Variants in AHCYL2 observed in about 807,000 individuals in gnomAD.
AHCYL2 encodes S-adenosylhomocysteine hydrolase-like protein 2.
A neutral mutation model predicts 81.4 loss-of-function variants in AHCYL2; 28 were observed. The observed-to-expected ratio is 0.34, with a 90% CI of 0.25 to 0.47. AHCYL2 has a LOEUF of 0.47. Ranked by LOEUF, AHCYL2 falls within the 20% of genes least tolerant of loss-of-function variation. The probability of loss-of-function intolerance (pLI) is 1.00; values close to 1 mark genes in which losing one functional copy is unlikely to be tolerated. For synonymous variants in AHCYL2, 272 were observed against 290.2 expected, an observed-to-expected ratio of 0.94 and a Z score of 0.64; for missense variants, 551 against 785.1, an observed-to-expected ratio of 0.70 and a Z score of 3.56.
chr7:129,416,431 G>A (rs904169015), intron 12 of AHCYL2, among the ~76,000 whole-genome samples: 6 of 152,186 alleles, frequency 3.9e-5, no homozygotes, highest in African/African-American at 1.4e-4. Flanking sequence ...ACAGAAAAAA[G>A]AAAAAGTAGA....
intron 1 of AHCYL2, among the ~76,000 whole-genome samples, chr7:129,345,026 G>T (rs1470021938): frequency 4.6e-5 from 7 of 152,034 alleles, no homozygotes; most frequent in Admixed American, 3.9e-4. Flanking sequence ...ATGGTGACAG[G>T]TGCCTGTAAT....
intron 1 of AHCYL2, among the ~76,000 whole-genome samples, chr7:129,325,418 A>G (rs1026445826): frequency 1.3e-5 from 2 of 152,020 alleles, no homozygotes; most frequent in Non-Finnish European, 2.9e-5. Flanking sequence ...ATTTGCACAT[A>G]ATGTGGGGTT....
chr7:129,388,191 C>T (rs1233478865), intron 2 of AHCYL2: 1 of 152,298 alleles, frequency 6.6e-6, no homozygotes, highest in Admixed American at 6.5e-5. Context: ...GAACTATCTT[C>T]AGAAGCTCAA....
rs868497753 is a variant in AHCYL2, at chr7:129,255,090, G to A, written c.363+29651G>A. On this transcript the variant is annotated intron_variant, in intron 1 of 16. Coordinates refer to ENST00000325006, the MANE Select transcript of AHCYL2 (RefSeq NM_015328.4). ...AGCCTTACCAACATGGTGAACCCCC[G>A]TCTCTACTAAAAATACAAAAATTAG... 3.3e-5 allele frequency among the ~76,000 whole-genome samples: 5 copies of A among 151,656 alleles called. No individual in the cohort carries two copies. The East Asian group carries it at 7.7e-4, about 23-fold the overall frequency.
chr7:129,269,644 T>C (rs1247729868), intron 1 of AHCYL2, among the ~76,000 whole-genome samples: 2 of 152,074 alleles, frequency 1.3e-5, no homozygotes, highest in Non-Finnish European at 2.9e-5. Context: ...CTATGTTGCC[T>C]AGGCTTGTCT....
chr7:129,231,593 TC>T (rs1292902958), intron 1 of AHCYL2, among the ~76,000 whole-genome samples: 1 of 152,208 alleles, frequency 6.6e-6, no homozygotes, highest in East Asian at 1.9e-4. Flanking sequence ...GTTGCCCTGA[TC>T]CACTGCCCTG....
chr7:129,405,260 T>G (rs1297115366), intron 8 of AHCYL2, 47 bp downstream of exon 8: 2 of 1,438,960 alleles, frequency 1.4e-6, no homozygotes, highest in Non-Finnish European at 9.5e-7. Flanking sequence ...CCAGTTGAGA[T>G]TCTAAGTTTT....
chr7:129,347,279 G>A (rs1793395597), intron 1 of AHCYL2, among the ~76,000 whole-genome samples: 1 of 152,122 alleles, frequency 6.6e-6, no homozygotes, highest in Admixed American at 6.6e-5. Context: ...GTAAACTGTG[G>A]ACTTTGGGTG....
At chr7:129,416,444 A>G (rs954150888) in intron 12 of AHCYL2, among the ~76,000 whole-genome samples, 2 of 152,232 alleles carry the variant, frequency 1.3e-5, no homozygotes, top group Non-Finnish European at 2.9e-5. Flanking sequence ...AAAGTAGAGC[A>G]TGGTGGGAGA....
chr7:129,325,862 C>T (rs1025220990), intron 1 of AHCYL2, among the ~76,000 whole-genome samples: 7 of 152,078 alleles, frequency 4.6e-5, no homozygotes, highest in East Asian at 1.9e-4. Flanking sequence ...CGTGCCACTA[C>T]GCCTGGCTAA....
At chr7:129,352,132 ATTGT>A (rs1244250086) in intron 1 of AHCYL2, among the ~76,000 whole-genome samples, 3 of 152,070 alleles carry the variant, frequency 2.0e-5, no homozygotes, top group African/African-American at 7.2e-5. Context: ...AGCATTCCTG[ATTGT>A]TTGAGTTGCA....
intron 1 of AHCYL2, among the ~76,000 whole-genome samples, chr7:129,321,798 C>T (rs1469220227): frequency 1.8e-4 from 18 of 99,204 alleles, no homozygotes; most frequent in East Asian, 7.2e-4. Flanking sequence ...TTTTTTCAGA[C>T]GGAGTCTCAC....
At chr7:129,356,782 C>G in intron 1 of AHCYL2, among the ~76,000 whole-genome samples, 1 of 152,130 alleles carries the variant, frequency 6.6e-6, no homozygotes, top group South Asian at 2.1e-4. Context: ...TTACTTAAGG[C>G]CTTGAAGATA....
At chr7:129,270,978 C>T (rs1321088116) in intron 1 of AHCYL2, among the ~76,000 whole-genome samples, 2 of 152,084 alleles carry the variant, frequency 1.3e-5, no homozygotes, top group Admixed American at 6.5e-5. Context: ...AACAGTCCTA[C>T]GGCATCAGGC....
intron 1 of AHCYL2, among the ~76,000 whole-genome samples, chr7:129,270,956 T>G (rs1795989022): frequency 6.6e-6 from 1 of 152,166 alleles, no homozygotes; most frequent in Admixed American, 6.5e-5. Context: ...TATAAAGTAG[T>G]CTTGAATCTG....
rs761781790 is a variant in AHCYL2, at chr7:129,405,262, C to T, written c.1142+49C>T. ...GAAGTTGTGATGTCCAGTTGAGATT[C>T]TAAGTTTTTTGGCTTTGGTTATTTC... is the stretch of plus-strand genomic sequence containing the variant. On this transcript the variant is annotated intron_variant, in intron 8 of 16. Coordinates refer to ENST00000325006, the MANE Select transcript of AHCYL2 (RefSeq NM_015328.4). The T allele has an allele frequency of 4.9e-6, 7 of 1,433,988 alleles. No individual in the cohort carries two copies. The South Asian group carries it at 9.2e-5, about 19-fold the overall frequency. The allele number at this position is 1,433,988 out of a possible 1,614,324, so 88.8% of individuals were successfully genotyped here.
intron 1 of AHCYL2, among the ~76,000 whole-genome samples, chr7:129,246,310 G>A (rs1055188384): frequency 2.0e-5 from 3 of 151,916 alleles, no homozygotes; most frequent in Non-Finnish European, 4.4e-5. Context: ...CACCCGCCTC[G>A]GCCTCCCAAA....
intron 5 of AHCYL2, among the ~76,000 whole-genome samples, chr7:129,397,958 A>C (rs552606598): frequency 1.3e-5 from 2 of 152,240 alleles, no homozygotes; most frequent in African/African-American, 4.8e-5. Context: ...CTTTATTAAT[A>C]CAAATATTAA....
At chr7:129,241,106 A>G (rs1794836464) in intron 1 of AHCYL2, among the ~76,000 whole-genome samples, 1 of 152,176 alleles carries the variant, frequency 6.6e-6, no homozygotes, top group Non-Finnish European at 1.5e-5. Flanking sequence ...TCTTCTGAGA[A>G]TTATCTTGTT....
Sources: gnomAD v4.1 joint callset for allele counts (sites outside exome capture counted in the v4.1 genomes callset) on GRCh38, gnomAD v4.1.1 for gene constraint, MANE v1.5 for transcripts, NCBI Gene and HGNC (gene_info 2026-07-23, HGNC 2026-07-21) for gene names.